Variants in ZNF827 observed in about 807,000 individuals in gnomAD.
ZNF827 encodes zinc finger protein 827.
In ZNF827, 13 loss-of-function variants were observed where a neutral mutation model predicts 102.4. The ratio of observed to expected loss-of-function variants is 0.13; its 90% confidence interval spans 0.08 to 0.20. The LOEUF (loss-of-function observed/expected upper bound fraction) is 0.20. Among genes scored for constraint, ZNF827 ranks in the 10% least tolerant of loss-of-function variants. ZNF827 has a pLI of 1.00. For missense variants in ZNF827, 1,103 were observed against 1,344.4 expected, an observed-to-expected ratio of 0.82 and a Z score of 2.81; for synonymous variants, 523 against 536.2, an observed-to-expected ratio of 0.98 and a Z score of 0.34.
At chr4:145,925,912 G>GAAATA (rs1753386241) in intron 1 of ZNF827, among the ~76,000 whole-genome samples, 1 of 152,054 alleles carries the variant, frequency 6.6e-6, no homozygotes, top group Non-Finnish European at 1.5e-5. Flanking sequence ...TTTCATTTTT[G>GAAATA]GTTAGTTTTA....
At chr4:145,836,597 A>G (rs1744866294) in intron 7 of ZNF827, among the ~76,000 whole-genome samples, 1 of 152,060 alleles carries the variant, frequency 6.6e-6, no homozygotes, top group African/African-American at 2.4e-5. Context: ...TCGGACTTCA[A>G]TCCGGCCTCC....
Position 145,761,460 on chromosome 4 carries a change from C to A in ZNF827, c.*156G>T, listed in dbSNP as rs1162774901. On this transcript the variant is annotated 3_prime_UTR_variant, in exon 15 of 15. Coordinates refer to ENST00000508784, the MANE Select transcript of ZNF827 (RefSeq NM_001306215.2). The surrounding 1 kb of genome is among the most constrained non-coding windows in gnomAD (Gnocchi z 6.8). ...TGTAGTGGTTGCCCAGGCGGTGCTC[C>A]CGGGTGTGCGTCTCCAGCTCCAGCT... 4 of 1,289,732 alleles carry A rather than the reference C, an allele frequency of 3.1e-6. No homozygotes were observed. The highest frequency in any genetic ancestry group is 4.0e-6 in the Non-Finnish European group (4 of 988,884). The allele number at this position is 1,289,732 out of a possible 1,614,324, so 79.9% of individuals were successfully genotyped here.
At chr4:145,936,695 CCCTG>C (rs1754198747) in intron 1 of ZNF827, among the ~76,000 whole-genome samples, 1 of 152,114 alleles carries the variant, frequency 6.6e-6, no homozygotes, top group Non-Finnish European at 1.5e-5. Flanking sequence ...AGATCGATCG[CCCTG>C]CCTGTCTGCA....
At chr4:145,910,388 T>C (rs1313576958) in intron 1 of ZNF827, among the ~76,000 whole-genome samples, 1 of 152,162 alleles carries the variant, frequency 6.6e-6, no homozygotes, top group African/African-American at 2.4e-5. Flanking sequence ...TCAGCAGGAA[T>C]GGCAACTCCT....
intron 8 of ZNF827, among the ~76,000 whole-genome samples, chr4:145,788,223 T>C (rs1000081356): frequency 1.3e-5 from 2 of 152,238 alleles, no homozygotes; most frequent in African/African-American, 4.8e-5. Context: ...ATTTGTATCG[T>C]AAAGAACTGT....
chr4:145,819,083 A>G (rs910515313), intron 8 of ZNF827, among the ~76,000 whole-genome samples: 3 of 152,072 alleles, frequency 2.0e-5, no homozygotes, highest in East Asian at 1.9e-4. Context: ...TTTGTACATT[A>G]TAAATAAAAC....
rs941397402 is a variant in ZNF827 at position 145,762,861 on chromosome 4, C to G, written c.*17+229G>C. On this transcript the variant is annotated intron_variant, in intron 14 of 14. Transcript: ENST00000508784. This position sits in a 1 kb window ranked among gnomAD's most constrained non-coding sequence, Gnocchi z 4.9. ...AGATGCAAAAGTGGCTGCCTCAGCTCTTGCTTGGCTCCTGCAGGGCAGGGC... is the reference window on the plus strand; with the variant it reads ...AGATGCAAAAGTGGCTGCCTCAGCTGTTGCTTGGCTCCTGCAGGGCAGGGC... Among the ~76,000 whole-genome samples the G allele has an allele frequency of 6.6e-5, 10 of 152,238 alleles. No individual in the cohort carries two copies. The highest frequency in any genetic ancestry group is 2.2e-4 in the African/African-American group (9 of 41,458).
chr4:145,902,262 G>C lies in ZNF827; in HGVS notation c.997C>G (p.Pro333Ala). ...GGTGGTGGAGGTGGTGGAGGTGGCG[G>C]TGGAGGTGGCGGAGTGACTTTTTCT... ...KPEKVTPPPP[P>A]PPPPPPPPPP... Residue 333 changes from proline (P) to alanine (A), a missense_variant, in exon 2 of 15, where the codon CCG (proline) becomes GCG (alanine). Transcript: ENST00000508784. This position sits in a 1 kb window ranked among gnomAD's most constrained non-coding sequence, Gnocchi z 4.3. The C allele has an allele frequency of 1.3e-6, 2 of 1,595,212 alleles. No homozygotes were observed. Among genetic ancestry groups the C allele is most frequent in the Non-Finnish European group, 1.7e-6 (2 of 1,172,260 alleles).
intron 7 of ZNF827, among the ~76,000 whole-genome samples, chr4:145,834,260 C>T (rs1351539480): frequency 6.6e-6 from 1 of 152,160 alleles, no homozygotes; most frequent in Non-Finnish European, 1.5e-5. Context: ...CATTCTTTTA[C>T]ACATCAGTCC....
At chr4:145,788,078 G>C (rs1739149023) in intron 8 of ZNF827, among the ~76,000 whole-genome samples, 1 of 152,168 alleles carries the variant, frequency 6.6e-6, no homozygotes, top group Non-Finnish European at 1.5e-5. Flanking sequence ...CAGTCTGCCT[G>C]CTCCTCTAAG....
At chr4:145,901,956 T>C (rs1751447092) in intron 2 of ZNF827, among the ~76,000 whole-genome samples, 1 of 152,240 alleles carries the variant, frequency 6.6e-6, no homozygotes, top group South Asian at 2.1e-4. Flanking sequence ...ATTCATTACC[T>C]TTCAAAAGTG....
At chr4:145,856,976 C>T (rs1189529394) in intron 5 of ZNF827, among the ~76,000 whole-genome samples, 2 of 127,732 alleles carry the variant, frequency 1.6e-5, no homozygotes, top group Non-Finnish European at 3.3e-5. Flanking sequence ...CATGCGCGCG[C>T]ACGCGCACGC....
At chr4:145,928,422 C>T (rs1004617023) in intron 1 of ZNF827, among the ~76,000 whole-genome samples, 3 of 152,206 alleles carry the variant, frequency 2.0e-5, no homozygotes, top group Non-Finnish European at 2.9e-5. Context: ...AACTGACGGA[C>T]AGCAATAGTT....
At chr4:145,799,885 A>G (rs372246469) in intron 8 of ZNF827, among the ~76,000 whole-genome samples, 1 of 152,318 alleles carries the variant, frequency 6.6e-6, no homozygotes, top group Non-Finnish European at 1.5e-5. Flanking sequence ...GAATGGCAGG[A>G]TAACAAGAGA....
intron 1 of ZNF827, among the ~76,000 whole-genome samples, chr4:145,904,310 CT>C (rs1194172361): frequency 6.6e-6 from 1 of 152,182 alleles, no homozygotes; most frequent in East Asian, 1.9e-4. Context: ...CTTCTTGGAG[CT>C]TACATTCCAG....
intron 7 of ZNF827, 54 bp from the exon 8 acceptor site, chr4:145,823,579 C>G: frequency 8.0e-7 from 1 of 1,243,270 alleles, no homozygotes; most frequent in South Asian, 1.2e-5. Context: ...TTTAAGACAC[C>G]CAGAGCACCT....
At chr4:145,830,155 CTG>C (rs1744068482) in intron 7 of ZNF827, among the ~76,000 whole-genome samples, 1 of 152,086 alleles carries the variant, frequency 6.6e-6, no homozygotes, top group Non-Finnish European at 1.5e-5. Context: ...ATCTCCATGT[CTG>C]TGTTTCATAT....
rs1342897482 is a variant in ZNF827 at position 145,849,488 on chromosome 4, A to G, written c.2055T>C (p.His685=). The change falls in exon 6 of 15, where the codon CAT becomes CAC. Residue 685 remains histidine (H), a synonymous_variant. Transcript: ENST00000508784. ...CATTCCGGCTGGGTGATATCGAGAC[A>G]TGGGAGTCCTGGATGTCAACCTCCA... ...EPMEVDIQDS[H]VSISPSRNVG... The G allele has an allele frequency of 6.2e-7, 1 of 1,614,072 alleles. No homozygotes were observed. The highest frequency in any genetic ancestry group is 1.3e-5 in the African/African-American group (1 of 74,928).
intron 1 of ZNF827, among the ~76,000 whole-genome samples, chr4:145,929,677 A>G (rs1671148652): frequency 1.3e-5 from 2 of 152,292 alleles, no homozygotes; most frequent in Admixed American, 1.3e-4. Context: ...GAAACCACCA[A>G]AAAGTTCCAG....
Sources: allele counts gnomAD v4.1 joint callset (sites outside exome capture counted in the v4.1 genomes callset), GRCh38; gene constraint gnomAD v4.1.1; non-coding constraint Gnocchi (gnomAD v3.1); transcripts MANE v1.5; gene names NCBI Gene and HGNC (gene_info 2026-07-23, HGNC 2026-07-21).